Variants in CPA6 observed in about 807,000 individuals in gnomAD.
CPA6 encodes carboxypeptidase A6.
A neutral mutation model predicts 63.3 loss-of-function variants in CPA6; 58 were observed. That is an observed-to-expected ratio of 0.92 (90% CI 0.74 to 1.14). The LOEUF is 1.14. CPA6 is among the 50% of genes most tolerant of loss of function. The pLI is 0.00. For synonymous variants in CPA6, 185 were observed against 179.0 expected (o/e 1.03, Z -0.27); for missense variants, 565 against 526.6 (o/e 1.07, Z -0.71).
chr8:67,483,526 A>C, intron 8 of CPA6: 1 of 546,532 alleles, frequency 1.8e-6, no homozygotes, highest in Admixed American at 3.2e-5. Flanking sequence ...TATGTATTTA[A>C]ATTTTCAGTT....
intron 2 of CPA6, among the ~76,000 whole-genome samples, chr8:67,588,092 G>A (rs191211481): frequency 5.3e-5 from 8 of 152,184 alleles, no homozygotes; most frequent in Admixed American, 5.2e-4. Flanking sequence ...TAGGGGGATT[G>A]CTATTCCTAG....
At chr8:67,605,566 T>C (rs1317837990) in intron 2 of CPA6, among the ~76,000 whole-genome samples, 1 of 147,488 alleles carries the variant, frequency 6.8e-6, no homozygotes, top group African/African-American at 2.5e-5. Context: ...TTTCCATCCA[T>C]GGTTGTTTGA....
chr8:67,497,616 C>T (rs141300140), intron 6 of CPA6, among the ~76,000 whole-genome samples: 2 of 152,076 alleles, frequency 1.3e-5, no homozygotes, highest in South Asian at 2.1e-4. Context: ...ATTTTGGGGT[C>T]ACATAGTAAC....
At chr8:67,727,522 A>C (rs1167630611) in intron 1 of CPA6, among the ~76,000 whole-genome samples, 1 of 152,274 alleles carries the variant, frequency 6.6e-6, no homozygotes, top group East Asian at 1.9e-4. Flanking sequence ...AAAGAAGTGC[A>C]ATTGTCTTGA....
At position 67,494,225 on chromosome 8, in the gene CPA6, A is replaced by G. The variant is rs143723441; in HGVS notation, c.637-9436T>C. ...TGCTGGTTTTTTTTTTAAACATAGC[A>G]ACATGTCATGAAGGGTTTTCTTCAT... On this transcript the variant is annotated intron_variant, in intron 6 of 10. Transcript: ENST00000297770. Among the ~76,000 whole-genome samples the G allele has an allele frequency of 1.9e-3, 282 of 152,268 alleles. 2 individuals are homozygous for G. The highest frequency in any genetic ancestry group is 3.0e-3 in the Non-Finnish European group (203 of 68,030).
chr8:67,658,042 G>A (rs545694997), intron 1 of CPA6, among the ~76,000 whole-genome samples: 21 of 152,180 alleles, frequency 1.4e-4, no homozygotes, highest in East Asian at 5.8e-4. Context: ...CGTCCTTTTC[G>A]TTTCCTTGGA....
intron 8 of CPA6, among the ~76,000 whole-genome samples, chr8:67,436,067 C>G (rs972175039): frequency 6.6e-6 from 1 of 151,856 alleles, no homozygotes; most frequent in Non-Finnish European, 1.5e-5. Flanking sequence ...AGCTTGCCTC[C>G]TGCACCCCAC....
intron 5 of CPA6, among the ~76,000 whole-genome samples, chr8:67,507,999 TTGTGTGTGTGTGTGTGTGTGTGTGTGTG>T (rs145996041): frequency 0.32 from 46,160 of 142,380 alleles, 7,274 homozygotes; most frequent in Middle Eastern, 0.47. Context: ...ATGGGGTGCT[TTGTGTGTGTGTGTGTGTGTGTGTGTGTG>T]TGTGTGTGTG....
At chr8:67,591,364 T>C (rs1479472828) in intron 2 of CPA6, among the ~76,000 whole-genome samples, 1 of 152,146 alleles carries the variant, frequency 6.6e-6, no homozygotes, top group Non-Finnish European at 1.5e-5. Flanking sequence ...GACTTGGCGA[T>C]GTGGGCTCTT....
Position 67,713,099 on chromosome 8 carries a change from G to GTGTGTGTGTGTATA in CPA6, c.116+32914_116+32915insTATACACACACACA, listed in dbSNP as rs1328463977. ...TGTGTGTGTATGTGTGTGTGTGTGTGTATATATATATATATATATATATAT... is the reference window on the plus strand; with the variant it reads ...TGTGTGTGTATGTGTGTGTGTGTGTGTGTGTGTGTGTATATATATATATATATATATATATATAT... On this transcript the variant is annotated intron_variant, in intron 1 of 10. Coordinates refer to ENST00000297770, the MANE Select transcript of CPA6 (RefSeq NM_020361.5). Among the ~76,000 whole-genome samples, 182 of 54,964 alleles carry GTGTGTGTGTGTATA rather than the reference G, an allele frequency of 3.3e-3. 4 individuals are homozygous for GTGTGTGTGTGTATA. Among genetic ancestry groups the GTGTGTGTGTGTATA allele is most frequent in the Middle Eastern group, 0.019 (1 of 54 alleles). The allele number at this position is 54,964 out of a possible 152,430, so 36.1% of individuals were successfully genotyped here.
intron 1 of CPA6, among the ~76,000 whole-genome samples, chr8:67,718,005 G>T (rs1259840774): frequency 6.6e-6 from 1 of 152,056 alleles, no homozygotes; most frequent in Non-Finnish European, 1.5e-5. Flanking sequence ...ACACCTTTGG[G>T]GCTGAGTCTA....
chr8:67,681,302 C>T (rs1056089682), intron 1 of CPA6, among the ~76,000 whole-genome samples: 9 of 145,980 alleles, frequency 6.2e-5, no homozygotes, highest in Middle Eastern at 3.5e-3. Flanking sequence ...CTCCGCTTCC[C>T]GGGTTCACGC....
intron 2 of CPA6, among the ~76,000 whole-genome samples, chr8:67,602,938 A>T (rs1480706370): frequency 1.3e-5 from 2 of 152,198 alleles, no homozygotes; most frequent in Non-Finnish European, 2.9e-5. Flanking sequence ...GTTACATAAG[A>T]AGAGTTTTAT....
chr8:67,461,716 T>C (rs1214448095), intron 8 of CPA6, among the ~76,000 whole-genome samples: 19 of 150,554 alleles, frequency 1.3e-4, no homozygotes, highest in African/African-American at 4.4e-4. Flanking sequence ...CCCTCCCGGA[T>C]GGAGCGGCTG....
intron 1 of CPA6, among the ~76,000 whole-genome samples, chr8:67,660,153 G>A (rs1816074991): frequency 6.6e-6 from 1 of 151,956 alleles, no homozygotes; most frequent in African/African-American, 2.4e-5. Flanking sequence ...TTTAGATTTT[G>A]GATTCAGAAA....
chr8:67,427,454 C>T (rs999072902), intron 10 of CPA6, among the ~76,000 whole-genome samples: 2 of 152,110 alleles, frequency 1.3e-5, no homozygotes, highest in African/African-American at 4.8e-5. Context: ...GTTTAACCTG[C>T]CTGGTGTCAA....
At chr8:67,545,052 TTTTAA>T (rs755243767) in intron 2 of CPA6, among the ~76,000 whole-genome samples, 37 of 152,212 alleles carry the variant, frequency 2.4e-4, no homozygotes, top group African/African-American at 8.4e-4. Flanking sequence ...TAGAAAGAAA[TTTTAA>T]TTTAATTAAT....
intron 1 of CPA6, among the ~76,000 whole-genome samples, chr8:67,629,104 A>T (rs1392844030): frequency 6.6e-6 from 1 of 151,884 alleles, no homozygotes; most frequent in Non-Finnish European, 1.5e-5. Context: ...ACAGAGTGAG[A>T]CTCCATCTCG....
intron 2 of CPA6, among the ~76,000 whole-genome samples, chr8:67,621,364 T>C (rs1815077903): frequency 6.6e-6 from 1 of 152,202 alleles, no homozygotes. Flanking sequence ...CCCCTGACTC[T>C]AGAGTTAAAG....
Sources: allele counts gnomAD v4.1 joint callset (sites outside exome capture counted in the v4.1 genomes callset), GRCh38; gene constraint gnomAD v4.1.1; transcripts MANE v1.5; gene names NCBI Gene and HGNC (gene_info 2026-07-23, HGNC 2026-07-21).